ST8SIA1: variants seen among roughly 807,000 people sequenced by gnomAD.
ST8SIA1 encodes alpha-N-acetylneuraminide alpha-2,8-sialyltransferase.
Under a neutral mutation model 35.9 loss-of-function variants are expected in ST8SIA1, and 16 were observed. The observed-to-expected ratio is 0.45, with a 90% CI of 0.30 to 0.68. The LOEUF is 0.68. ST8SIA1 is among the 30% of genes least tolerant of loss of function. ST8SIA1 has a pLI of 0.09. For synonymous variants in ST8SIA1, 170 were observed against 169.6 expected (o/e 1.00, Z -0.02); for missense variants, 383 against 453.6 (o/e 0.84, Z 1.41).
intron 4 of ST8SIA1, among the ~76,000 whole-genome samples, chr12:22,212,500 G>A (rs1865186382): frequency 6.6e-6 from 1 of 152,096 alleles, no homozygotes; most frequent in Admixed American, 6.5e-5. Flanking sequence ...TTTTATGGGT[G>A]TGTTTCTTCC....
In ST8SIA1 at chr12:22,250,524, C is replaced by G. The variant is rs1406605018; in HGVS notation, c.492-1426G>C. 1.3e-5 allele frequency among the ~76,000 whole-genome samples: 2 copies of G among 152,208 alleles called. 1 individual carries two copies. Among genetic ancestry groups the G allele is most frequent in the East Asian group, 3.8e-4 (2 of 5,200 alleles). ...TTCTCCTCTTCAACCATATGTCTAA[C>G]TTGATTCCTACCACATTAGGGCATC... On this transcript the variant is annotated intron_variant, in intron 3 of 4. Coordinates refer to ENST00000396037, the MANE Select transcript of ST8SIA1 (RefSeq NM_003034.4).
At chr12:22,262,108 A>G (rs905221857) in intron 2 of ST8SIA1, among the ~76,000 whole-genome samples, 4 of 150,900 alleles carry the variant, frequency 2.7e-5, no homozygotes, top group Non-Finnish European at 5.9e-5. Flanking sequence ...AGATAATATT[A>G]GGAAGGTGAA....
In ST8SIA1 at chr12:22,334,680, C is replaced by T. The variant is rs1337178333; in HGVS notation, c.-448G>A. 1 of 155,608 alleles carries T rather than the reference C, an allele frequency of 6.4e-6. No individual in the cohort carries two copies. Among genetic ancestry groups the T allele is most frequent in the African/African-American group, 2.4e-5 (1 of 41,064 alleles). 9.6% of individuals were successfully genotyped at this position (155,608 alleles called of 1,614,324 possible). On this transcript the variant is annotated 5_prime_UTR_variant, in exon 1 of 5. Coordinates refer to ENST00000396037, the MANE Select transcript of ST8SIA1 (RefSeq NM_003034.4). ...GCGATGCTCCTGCGCCCTTCGCCGC[C>T]TCCCGCGCTGCTGCGCCGCCAGGCA...
intron 4 of ST8SIA1, among the ~76,000 whole-genome samples, chr12:22,245,229 G>A (rs1029313738): frequency 6.6e-6 from 1 of 152,116 alleles, no homozygotes; most frequent in Non-Finnish European, 1.5e-5. Context: ...GGTAGACCTG[G>A]TGCCTTTAAA....
chr12:22,284,274 G>A (rs1866070103), intron 2 of ST8SIA1, among the ~76,000 whole-genome samples: 1 of 152,212 alleles, frequency 6.6e-6, no homozygotes, highest in African/African-American at 2.4e-5. Context: ...TGGAATCGAA[G>A]TTAGAAATGA....
chr12:22,249,123 T>C (rs1212794652), intron 3 of ST8SIA1, 25 bp from the exon 4 acceptor site: 2 of 1,453,406 alleles, frequency 1.4e-6, no homozygotes, highest in Admixed American at 1.7e-5. Flanking sequence ...ACAAACATTT[T>C]GGAACAATTT....
chr12:22,242,579 T>C (rs1865553198), intron 4 of ST8SIA1, among the ~76,000 whole-genome samples: 1 of 152,166 alleles, frequency 6.6e-6, no homozygotes, highest in Admixed American at 6.5e-5. Context: ...TAAAAAATCT[T>C]TTAAAGGATA....
chr12:22,201,361 G>A lies in ST8SIA1; in HGVS notation c.*191C>T. 3 of 676,076 alleles carry A rather than the reference G, an allele frequency of 4.4e-6. No homozygotes were observed. Among genetic ancestry groups the A allele is most frequent in the Non-Finnish European group, 7.1e-6 (3 of 423,476 alleles). The allele number at this position is 676,076 out of a possible 1,614,324, so 41.9% of individuals were successfully genotyped here. On this transcript the variant is annotated 3_prime_UTR_variant, in exon 5 of 5. Transcript: ENST00000396037. Reference sequence around the variant, plus strand: ...GCCATGTGCTATAAAGTATTTCATAGGATGTTTCATTTCTTATTTGTCCTC... The same window carrying A: ...GCCATGTGCTATAAAGTATTTCATAAGATGTTTCATTTCTTATTTGTCCTC...
At chr12:22,322,264 G>A (rs1364376434) in intron 1 of ST8SIA1, among the ~76,000 whole-genome samples, 5 of 152,190 alleles carry the variant, frequency 3.3e-5, no homozygotes, top group South Asian at 2.1e-4. Context: ...GAATGTTGCT[G>A]CTCCTTTCCC....
Position 22,213,064 on chromosome 12 carries a change from G to A in ST8SIA1, c.585-11026C>T, listed in dbSNP as rs182077500. Among the ~76,000 whole-genome samples, 244 of 152,112 alleles carry A rather than the reference G, an allele frequency of 1.6e-3. 1 individual carries two copies. Among genetic ancestry groups the A allele is most frequent in the African/African-American group, 5.5e-3 (229 of 41,496 alleles). On this transcript the variant is annotated intron_variant, in intron 4 of 4. Transcript: ENST00000396037. ...ATGACCCATACCAAAGAACTGACTC[G>A]ACAGGTCCACAGGTCCTGTTACCCA... is the stretch of plus-strand genomic sequence containing the variant.
chr12:22,300,136 C>T (rs1434159828), intron 1 of ST8SIA1, among the ~76,000 whole-genome samples: 3 of 151,992 alleles, frequency 2.0e-5, no homozygotes, highest in Non-Finnish European at 4.4e-5. Context: ...TTAAAGTCCT[C>T]GTGAAATTGA....
chr12:22,215,195 G>A (rs541544499), intron 4 of ST8SIA1, among the ~76,000 whole-genome samples: 1 of 152,246 alleles, frequency 6.6e-6, no homozygotes, highest in South Asian at 2.1e-4. Flanking sequence ...GCTCAAAAGT[G>A]CATCTTTCTC....
intron 1 of ST8SIA1, among the ~76,000 whole-genome samples, chr12:22,330,098 G>T (rs531616641): frequency 6.6e-6 from 1 of 151,992 alleles, no homozygotes. Context: ...AAATCTCTCC[G>T]CCTTGATCTT....
intron 1 of ST8SIA1, among the ~76,000 whole-genome samples, chr12:22,310,833 A>G (rs1866440150): frequency 6.6e-6 from 1 of 152,158 alleles, no homozygotes; most frequent in Non-Finnish European, 1.5e-5. Context: ...TGAATTGACT[A>G]AAGAAAAACA....
chr12:22,257,958 G>C (rs1252139319), intron 2 of ST8SIA1, among the ~76,000 whole-genome samples: 1 of 151,876 alleles, frequency 6.6e-6, no homozygotes, highest in African/African-American at 2.4e-5. Context: ...CCAGATAGGA[G>C]TCTTTCATAA....
At chr12:22,234,353 G>C (rs1865452667) in intron 4 of ST8SIA1, among the ~76,000 whole-genome samples, 1 of 151,814 alleles carries the variant, frequency 6.6e-6, no homozygotes, top group African/African-American at 2.4e-5. Context: ...ATTGTGAATA[G>C]TCCTGTACTA....
chr12:22,236,052 T>TA (rs1348445953), intron 4 of ST8SIA1, among the ~76,000 whole-genome samples: 1 of 152,174 alleles, frequency 6.6e-6, no homozygotes, highest in Non-Finnish European at 1.5e-5. Context: ...AAAAACAACT[T>TA]ACAATTGATT....
chr12:22,210,164 T>C (rs1431448697), intron 4 of ST8SIA1, among the ~76,000 whole-genome samples: 4 of 152,280 alleles, frequency 2.6e-5, no homozygotes, highest in African/African-American at 9.6e-5. Flanking sequence ...TATAGAAACA[T>C]GAAGAAGTTG....
chr12:22,221,296 G>T (rs540785773), intron 4 of ST8SIA1, among the ~76,000 whole-genome samples: 1 of 152,118 alleles, frequency 6.6e-6, no homozygotes, highest in Admixed American at 6.6e-5. Context: ...GAAGCAAAAG[G>T]ACAAGAGGAA....
Sources: gnomAD v4.1 joint callset for allele counts (sites outside exome capture counted in the v4.1 genomes callset) on GRCh38, gnomAD v4.1.1 for gene constraint, MANE v1.5 for transcripts, NCBI Gene and HGNC (gene_info 2026-07-23, HGNC 2026-07-21) for gene names.